The following NID2 variants were observed in gnomAD, a reference collection of about 807,000 sequenced individuals.
NID2 encodes nidogen-2.
In NID2, 83 loss-of-function variants were observed where a neutral mutation model predicts 145.4. The ratio of observed to expected loss-of-function variants is 0.57; its 90% CI spans 0.48 to 0.69. NID2 has a LOEUF of 0.69. Ranked by LOEUF, NID2 falls within the 30% of genes least tolerant of loss-of-function variation. The probability of loss-of-function intolerance (pLI) is 0.00; values close to 1 mark genes in which losing one functional copy is unlikely to be tolerated. For missense variants in NID2, 1,807 were observed against 1,765.7 expected (o/e 1.02, Z -0.42); for synonymous variants, 739 against 701.3 (o/e 1.05, Z -0.85).
chr14:52,027,164 A>G, intron 12 of NID2, 37 bp downstream of exon 12: 1 of 1,436,072 alleles, frequency 7.0e-7, no homozygotes, highest in Non-Finnish European at 9.2e-7. Flanking sequence ...ATCCAAAGCA[A>G]CTTTCCAGTC....
intron 2 of NID2, among the ~76,000 whole-genome samples, chr14:52,066,698 G>A (rs1175540082): frequency 6.6e-6 from 1 of 152,172 alleles, no homozygotes; most frequent in Non-Finnish European, 1.5e-5. Context: ...CTTACAGGGG[G>A]CATGTACCAT....
chr14:52,064,225 G>A (rs1470623233), intron 2 of NID2, among the ~76,000 whole-genome samples: 1 of 152,122 alleles, frequency 6.6e-6, no homozygotes, highest in East Asian at 1.9e-4. Flanking sequence ...CCAGATGGAG[G>A]CCTCCATTGG....
chr14:52,046,341 A>AAC (rs33978626), intron 5 of NID2, among the ~76,000 whole-genome samples: 1 of 123,172 alleles, frequency 8.1e-6, no homozygotes. Context: ...AAAAAAAAAA[A>AAC]AGCCGTTTTC....
chr14:52,011,116 C>A, intron 17 of NID2, 69 bp from the exon 18 acceptor site: 4 of 1,514,836 alleles, frequency 2.6e-6, no homozygotes, highest in Non-Finnish European at 2.7e-6. Flanking sequence ...AGCCCTCCAA[C>A]GGTCGGGTGG....
chr14:52,019,339 G>T (rs761871061), intron 13 of NID2, 45 bp from the exon 14 acceptor site: 3 of 1,469,760 alleles, frequency 2.0e-6, no homozygotes, highest in South Asian at 2.7e-5. Flanking sequence ...GAAATAGAAG[G>T]CATTGCAACC....
chr14:52,067,474 T>A (rs922689362), intron 2 of NID2, among the ~76,000 whole-genome samples: 6 of 152,216 alleles, frequency 3.9e-5, no homozygotes, highest in Non-Finnish European at 7.3e-5. Flanking sequence ...TTTTCTTTTT[T>A]AAAATTATCT....
rs1891728299 is a variant in NID2, at chr14:52,029,659, G to A, written c.2289C>T (p.Cys763=). 6.2e-7 allele frequency: 1 copy of A among 1,614,004 alleles called. No homozygotes were observed. The highest frequency in any genetic ancestry group is 1.7e-4 in the Middle Eastern group (1 of 6,056). ...EDSDPTPGNP[C]YDGSHMCDTT... is the part of the protein sequence containing the mutation. Reference sequence around the variant, plus strand: ...TGTCACACATGTGGCTCCCATCATAGCAAGGATTCCCCGGAGTGGGGTCTG... The same window carrying A: ...TGTCACACATGTGGCTCCCATCATAACAAGGATTCCCCGGAGTGGGGTCTG... Residue 763 remains cysteine (C), a synonymous_variant, in exon 10 of 22, where the codon TGC becomes TGT. Coordinates refer to ENST00000216286, the MANE Select transcript of NID2 (RefSeq NM_007361.4).
rs992421072 is a variant in NID2 at position 52,006,624 on chromosome 14, G to C, written c.3917C>G (p.Thr1306Ser). 5 of 1,613,726 alleles carry C rather than the reference G, an allele frequency of 3.1e-6. No individual in the cohort carries two copies. The highest frequency in any genetic ancestry group is 2.7e-5 in the African/African-American group (2 of 74,880). Residue 1306 changes from threonine (T) to serine (S), a missense_variant, in exon 20 of 22, where the codon ACT (threonine) becomes AGT (serine). Transcript: ENST00000216286. Reference sequence around the variant, plus strand: ...GTTGTTTTGAATGACACGCCGTCCAGTTCCATCAGGTAGTGTACACTCCAG... The same window carrying C: ...GTTGTTTTGAATGACACGCCGTCCACTTCCATCAGGTAGTGTACACTCCAG... ...KKLECTLPDG[T>S]GRRVIQNNLK...
chr14:52,037,214 A>G (rs922209967), intron 9 of NID2, among the ~76,000 whole-genome samples: 8 of 152,186 alleles, frequency 5.3e-5, no homozygotes. Context: ...CATAGTTAAC[A>G]ATAGTTTAAA....
chr14:52,063,893 G>A (rs1413941625), intron 2 of NID2, among the ~76,000 whole-genome samples: 1 of 152,182 alleles, frequency 6.6e-6, no homozygotes, highest in East Asian at 1.9e-4. Flanking sequence ...AAAGACAAAT[G>A]CTGAGTGCTA....
intron 12 of NID2, among the ~76,000 whole-genome samples, chr14:52,023,736 A>G (rs954364279): frequency 6.6e-6 from 1 of 152,136 alleles, no homozygotes; most frequent in Admixed American, 6.5e-5. Flanking sequence ...GTTTGAAATC[A>G]CTCCAGATTG....
At chr14:52,011,150 C>G in intron 17 of NID2, 103 bp from the exon 18 acceptor site, 2 of 1,096,932 alleles carry the variant, frequency 1.8e-6, no homozygotes, top group Non-Finnish European at 2.6e-6. Flanking sequence ...CAGGGGAAAG[C>G]AAAGCCCAAG....
intron 2 of NID2, among the ~76,000 whole-genome samples, chr14:52,065,989 G>A (rs1460791350): frequency 6.6e-6 from 1 of 150,932 alleles, no homozygotes; most frequent in African/African-American, 2.5e-5. Context: ...CTTTATAGCA[G>A]CATGATTTAT....
At chr14:52,065,877 G>T (rs1893185520) in intron 2 of NID2, among the ~76,000 whole-genome samples, 1 of 142,698 alleles carries the variant, frequency 7.0e-6, no homozygotes, top group Non-Finnish European at 1.5e-5. Context: ...GTGTATATGT[G>T]CCACATTTTC....
chr14:52,064,090 T>C lies in NID2; in HGVS notation c.535-3734A>G, dbSNP rs552455590. ...TGTAGACCACCCCTCTTCTAAACCT[T>C]GTCTCCAGAAGTCAAAAAGCTACAA... is the stretch of plus-strand genomic sequence containing the variant. On this transcript the variant is annotated intron_variant, in intron 2 of 21. Coordinates refer to ENST00000216286, the MANE Select transcript of NID2 (RefSeq NM_007361.4). 5.3e-5 allele frequency among the ~76,000 whole-genome samples: 8 copies of C among 152,268 alleles called. No individual in the cohort carries two copies. In the South Asian group the frequency reaches 1.7e-3, roughly 32 times the overall value.
Position 52,067,843 on chromosome 14 carries a change from T to A in NID2, c.534+15A>T, listed in dbSNP as rs760017421. ...CTTCAATTTCCTCAGCAGTCAAATA[T>A]CCCTGGTCACTTACCTCTCCCGAGG... On this transcript the variant is annotated intron_variant, in intron 2 of 21. Transcript: ENST00000216286. 6.2e-7 allele frequency: 1 copy of A among 1,610,882 alleles called. No individual in the cohort carries two copies. Among genetic ancestry groups the A allele is most frequent in the Admixed American group, 1.7e-5 (1 of 59,894 alleles).
chr14:52,057,473 C>T (rs1273762180), intron 3 of NID2, among the ~76,000 whole-genome samples: 6 of 152,092 alleles, frequency 3.9e-5, no homozygotes, highest in African/African-American at 1.4e-4. Flanking sequence ...GAGGCTGAGG[C>T]AGGTGGATCA....
intron 21 of NID2, 39 bp downstream of exon 21, chr14:52,005,698 C>G: frequency 1.3e-6 from 2 of 1,519,418 alleles, no homozygotes; most frequent in Non-Finnish European, 9.1e-7. Context: ...CTTCTCTACC[C>G]TGCTAATTTA....
At position 52,030,565 on chromosome 14, in the gene NID2, A is replaced by AG; in HGVS notation, c.2258-876_2258-875insC. Among the ~76,000 whole-genome samples the AG allele has an allele frequency of 1.5e-3, 74 of 49,002 alleles. 2 individuals carry two copies. The Middle Eastern group carries it at 0.043, about 29-fold the overall frequency. 32.1% of individuals were successfully genotyped at this position (49,002 alleles called of 152,430 possible). A position where few individuals can be genotyped will look rare whatever the true frequency, so the allele number is the denominator to read the frequency against. ...GAAAGAAAGAAAGAAAGAAAGAAAG[A>AG]AAGGAAGGAAGGGAAAGAAAGAAAG... On this transcript the variant is annotated intron_variant, in intron 9 of 21. Coordinates refer to ENST00000216286, the MANE Select transcript of NID2 (RefSeq NM_007361.4).
Sources: allele counts gnomAD v4.1 joint callset (sites outside exome capture counted in the v4.1 genomes callset), GRCh38; gene constraint gnomAD v4.1.1; transcripts MANE v1.5; gene names NCBI Gene and HGNC (gene_info 2026-07-23, HGNC 2026-07-21).